The following TRPM7 variants were observed in gnomAD, a reference collection of about 807,000 sequenced individuals.
The protein encoded by TRPM7 is LTRPC ion channel family member 7.
Under a neutral mutation model 229.7 loss-of-function variants are expected in TRPM7, and 134 were observed. The ratio of observed to expected loss-of-function variants is 0.58; its 90% CI spans 0.51 to 0.67. TRPM7 has a LOEUF of 0.67. Ranked by LOEUF, TRPM7 falls within the 30% of genes least tolerant of loss-of-function variation. The probability of loss-of-function intolerance (pLI) is 0.00; values close to 1 mark genes in which losing one functional copy is unlikely to be tolerated. For synonymous variants in TRPM7, 699 were observed against 715.2 expected (o/e 0.98, Z 0.36); for missense variants, 1,901 against 2,210.0 (o/e 0.86, Z 2.80).
intron 1 of TRPM7, among the ~76,000 whole-genome samples, chr15:50,685,447 AC>A (rs2062336091): frequency 6.6e-6 from 1 of 152,244 alleles, no homozygotes; most frequent in Non-Finnish European, 1.5e-5. Context: ...ACAGAGTGAG[AC>A]CCTGTCTCAA....
At chr15:50,663,961 T>C (rs2140926390) in intron 1 of TRPM7, among the ~76,000 whole-genome samples, 1 of 149,570 alleles carries the variant, frequency 6.7e-6, no homozygotes, top group Admixed American at 6.7e-5. Context: ...AGAGACTCTG[T>C]CTCAAAAAAC....
At chr15:50,594,136 G>A (rs924745036) in intron 24 of TRPM7, among the ~76,000 whole-genome samples, 2 of 152,152 alleles carry the variant, frequency 1.3e-5, no homozygotes, top group Non-Finnish European at 2.9e-5. Context: ...TACTAAAATT[G>A]TTATTGTTTA....
intron 1 of TRPM7, among the ~76,000 whole-genome samples, chr15:50,684,793 C>G (rs1056752476): frequency 6.6e-6 from 1 of 152,196 alleles, no homozygotes; most frequent in Non-Finnish European, 1.5e-5. Flanking sequence ...GACACCCCCA[C>G]ACCCCAAGAG....
chr15:50,617,657 T>C (rs17520448), intron 13 of TRPM7, among the ~76,000 whole-genome samples: 22,373 of 152,116 alleles, frequency 0.15, 2,218 homozygotes, highest in Admixed American at 0.28. Context: ...TCTAACGTCA[T>C]TCTTTTTTCT....
rs773578350 is a variant in TRPM7 at position 50,648,871 on chromosome 15, C to T, written c.137G>A (p.Arg46His). Reference sequence around the variant, plus strand: ...AAAACAAGCATGTTGCTTGACCAAGCGACCACAAAAACACCTAAAAGAAAA... The same window carrying T: ...AAAACAAGCATGTTGCTTGACCAAGTGACCACAAAAACACCTAAAAGAAAA... ...CQQLVRCFCG[R>H]LVKQHACFTA... Residue 46 changes from arginine (R) to histidine (H), a missense_variant, in exon 4 of 39, where the codon CGC (arginine) becomes CAC (histidine). By Grantham distance (29) the Arg-to-His change is conservative. Transcript: ENST00000646667. 34 of 1,604,234 alleles carry T rather than the reference C, an allele frequency of 2.1e-5. No individual in the cohort carries two copies. The highest frequency in any genetic ancestry group is 2.7e-5 in the African/African-American group (2 of 74,724).
At chr15:50,663,271 G>C (rs1169369271) in intron 1 of TRPM7, among the ~76,000 whole-genome samples, 1 of 152,134 alleles carries the variant, frequency 6.6e-6, no homozygotes, top group Non-Finnish European at 1.5e-5. Flanking sequence ...TGGCAGTACA[G>C]GCATGTGCCA....
chr15:50,609,494 ATATCAACATTAGT>A (rs1254227383), intron 19 of TRPM7, 74 bp downstream of exon 19: 2 of 1,270,218 alleles, frequency 1.6e-6, no homozygotes, highest in African/African-American at 3.0e-5. Context: ...GATCTAAGTT[ATATCAACATTAGT>A]ATGGATTCCG....
chr15:50,613,985 T>A (rs2060141504), intron 14 of TRPM7, 138 bp downstream of exon 14: 1 of 1,339,512 alleles, frequency 7.5e-7, no homozygotes, highest in Non-Finnish European at 1.0e-6. Context: ...CGACATAATA[T>A]TTCTAATTGC....
At chr15:50,630,885 G>A (rs1432028053) in intron 10 of TRPM7, among the ~76,000 whole-genome samples, 2 of 151,944 alleles carry the variant, frequency 1.3e-5, no homozygotes, top group East Asian at 3.9e-4. Context: ...GCCCAAACTG[G>A]AATACAGCGG....
intron 31 of TRPM7, among the ~76,000 whole-genome samples, chr15:50,577,976 A>G (rs1021288915): frequency 6.6e-6 from 1 of 152,188 alleles, no homozygotes; most frequent in Non-Finnish European, 1.5e-5. Flanking sequence ...TATACTGTAC[A>G]ATTTCATTTA....
At chr15:50,626,928 T>C (rs560515220) in intron 11 of TRPM7, among the ~76,000 whole-genome samples, 1 of 151,590 alleles carries the variant, frequency 6.6e-6, no homozygotes, top group South Asian at 2.1e-4. Context: ...CATGTAGATA[T>C]GCATGAATGT....
At chr15:50,647,708 C>T (rs919712387) in intron 4 of TRPM7, among the ~76,000 whole-genome samples, 30 of 151,808 alleles carry the variant, frequency 2.0e-4, no homozygotes, top group Admixed American at 7.9e-4. Context: ...ATTGCGCCAC[C>T]GCACTCCAGC....
In TRPM7 at chr15:50,661,444, G is replaced by A. The variant is rs575033940; in HGVS notation, c.83+1523C>T. ...CAGTCTTAATGTATTGAAACTCTAC[G>A]TATTGCTTCAACTTTGTTTCTCAAA... On this transcript the variant is annotated intron_variant, in intron 2 of 38. Coordinates refer to ENST00000646667, the MANE Select transcript of TRPM7 (RefSeq NM_017672.6). 4.6e-5 allele frequency among the ~76,000 whole-genome samples: 7 copies of A among 152,154 alleles called. No homozygotes were observed. In the East Asian group the frequency reaches 1.2e-3, roughly 25 times the overall value.
At chr15:50,678,517 A>AAT (rs71127114) in intron 1 of TRPM7, among the ~76,000 whole-genome samples, 82 of 132,710 alleles carry the variant, frequency 6.2e-4, no homozygotes, top group African/African-American at 8.9e-4. Context: ...AAAAAAAAAA[A>AAT]ATATATATAT....
In TRPM7 at chr15:50,592,337, A is replaced by T; in HGVS notation, c.3898T>A (p.Ser1300Thr). 6.2e-7 allele frequency: 1 copy of T among 1,614,094 alleles called. No individual in the cohort carries two copies. Among genetic ancestry groups the T allele is most frequent in the Non-Finnish European group, 8.5e-7 (1 of 1,179,970 alleles). The change falls in exon 26 of 39, where the codon TCC becomes ACC. Residue 1300 changes from serine to threonine, a missense_variant. This residue lies in a region of TRPM7 where 533 missense variants were observed against 497.1 expected (regional missense o/e 1.07). Transcript: ENST00000646667. ...KKHGVVNTLS[S>T]SLPQGDLESN... is the part of the protein sequence containing the mutation. ...TCAAGATCACCTTGAGGAAGAGAGG[A>T]GCTAAGTGTATTTACAACACCATGC...
In TRPM7 at chr15:50,614,190, G is replaced by A; in HGVS notation, c.1568C>T (p.Thr523Ile). 1 of 1,612,738 alleles carries A rather than the reference G, an allele frequency of 6.2e-7. No homozygotes were observed. Residue 523 changes from threonine (T) to isoleucine (I), a missense_variant, in exon 14 of 39, where the codon ACC (threonine) becomes ATC (isoleucine). By Grantham distance (89) the Thr-to-Ile change is moderately conservative (BLOSUM62 -1). Around this residue, in one of 8 missense-constraint regions of TRPM7, gnomAD observed 794 missense variants for 881.9 expected, o/e 0.90. Coordinates refer to ENST00000646667, the MANE Select transcript of TRPM7 (RefSeq NM_017672.6). The stretch of plus-strand genomic sequence containing the variant: ...TTTCCTAGTATAGGTGCATCTGTAG[G>A]TTCCTCCCATGAGATATTCAATAAC... ...GLVIEYLMGG[T>I]YRCTYTRKRF...
chr15:50,682,357 A>G (rs934860577), intron 1 of TRPM7, among the ~76,000 whole-genome samples: 2 of 151,188 alleles, frequency 1.3e-5, no homozygotes, highest in Non-Finnish European at 2.9e-5. Context: ...AAAAATCCAG[A>G]GCATGAGGTC....
Position 50,625,032 on chromosome 15 carries a change from G to C in TRPM7, c.1306-732C>G, listed in dbSNP as rs1010882165. On this transcript the variant is annotated intron_variant, in intron 11 of 38. Coordinates refer to ENST00000646667, the MANE Select transcript of TRPM7 (RefSeq NM_017672.6). ...TCTGTATCATTCAGCATTTGTAGCTGTCCTTTATATATTAAAGCCTATTTT... is the reference window on the plus strand; with the variant it reads ...TCTGTATCATTCAGCATTTGTAGCTCTCCTTTATATATTAAAGCCTATTTT... Among the ~76,000 whole-genome samples the C allele has an allele frequency of 2.7e-5, 4 of 150,660 alleles. No homozygotes were observed. In the South Asian group the frequency reaches 8.3e-4, roughly 31 times the overall value.
In TRPM7 at chr15:50,608,067, A is replaced by G. The variant is rs531683816; in HGVS notation, c.2581-739T>C. Among the ~76,000 whole-genome samples, 317 of 150,544 alleles carry G rather than the reference A, an allele frequency of 2.1e-3. 2 individuals are homozygous for G. Among genetic ancestry groups the G allele is most frequent in the Admixed American group, 7.6e-3 (114 of 15,052 alleles). On this transcript the variant is annotated intron_variant, in intron 19 of 38. Transcript: ENST00000646667. ...GAGACTCTGTCAAAAAAAAAAAAAA[A>G]AAAGAAAGAAAGAAAGAAAAGAAAA...
Sources: gnomAD v4.1 joint callset for allele counts (sites outside exome capture counted in the v4.1 genomes callset) on GRCh38, gnomAD v4.1.1 for gene constraint, gnomAD v4.1.1 regional missense constraint, MANE v1.5 for transcripts, NCBI Gene and HGNC (gene_info 2026-07-23, HGNC 2026-07-21) for gene names.